The following SSH2 variants were observed in gnomAD, a reference collection of about 807,000 sequenced individuals.
SSH2 encodes the protein slingshot protein phosphatase 2.
SSH2 carries 37 observed loss-of-function variants against 135.2 expected under a neutral mutation model. That is an observed-to-expected ratio of 0.27 (90% CI 0.21 to 0.36). The LOEUF (loss-of-function observed/expected upper bound fraction) is 0.36. SSH2 is among the 10% of genes least tolerant of loss of function. SSH2 has a pLI of 1.00. For synonymous variants in SSH2, 628 were observed against 646.2 expected (o/e 0.97, Z 0.43); for missense variants, 1,408 against 1,765.3 (o/e 0.80, Z 3.63).
At chr17:29,907,691 G>A (rs180987501) in intron 1 of SSH2, among the ~76,000 whole-genome samples, 4 of 152,306 alleles carry the variant, frequency 2.6e-5, no homozygotes, top group African/African-American at 9.6e-5. Context: ...TCAGTCCAGA[G>A]CCAAACTGGC....
intron 1 of SSH2, among the ~76,000 whole-genome samples, chr17:29,926,541 G>A (rs2067069093): frequency 6.7e-6 from 1 of 148,986 alleles, no homozygotes; most frequent in East Asian, 2.0e-4. Flanking sequence ...ATGGCTGAGT[G>A]AGACCTTGTC....
intron 3 of SSH2, among the ~76,000 whole-genome samples, chr17:29,714,798 T>C (rs2039559184): frequency 6.6e-6 from 1 of 152,170 alleles, no homozygotes; most frequent in Non-Finnish European, 1.5e-5. Flanking sequence ...GTAATTCCCA[T>C]GTGCTCACTC....
At chr17:29,882,853 G>A (rs1330566676) in intron 1 of SSH2, among the ~76,000 whole-genome samples, 2 of 152,108 alleles carry the variant, frequency 1.3e-5, no homozygotes, top group East Asian at 1.9e-4. Context: ...CTGTAGAGAC[G>A]GGGTATCACT....
chr17:29,632,999 C>T (rs2035752913), intron 15 of SSH2, 68 bp from the exon 16 acceptor site: 3 of 1,375,600 alleles, frequency 2.2e-6, no homozygotes, highest in Admixed American at 2.1e-5. Context: ...GGATTTTCTG[C>T]TTATTAATCC....
chr17:29,643,614 T>C (rs1226338565), intron 14 of SSH2, among the ~76,000 whole-genome samples: 2 of 152,074 alleles, frequency 1.3e-5, no homozygotes, highest in African/African-American at 4.8e-5. Context: ...TGCCTCAGCC[T>C]CCCGAGTAGC....
chr17:29,669,543 T>C (rs561697766), intron 9 of SSH2, among the ~76,000 whole-genome samples: 1 of 152,278 alleles, frequency 6.6e-6, no homozygotes, highest in African/African-American at 2.4e-5. Flanking sequence ...AAATCTGCTT[T>C]TTCCTCCTCA....
chr17:29,731,417 T>TTTTATTTA (rs142032070), intron 3 of SSH2, among the ~76,000 whole-genome samples: 15 of 119,754 alleles, frequency 1.3e-4, no homozygotes, highest in Admixed American at 4.3e-4. Flanking sequence ...CAGAAGTATT[T>TTTTATTTA]TTTATTTATT....
chr17:29,870,250 T>C (rs1473655705), intron 1 of SSH2, among the ~76,000 whole-genome samples: 3 of 147,578 alleles, frequency 2.0e-5, no homozygotes, highest in Non-Finnish European at 4.5e-5. Flanking sequence ...GATGTACTAA[T>C]ATGGAAATAT....
intron 9 of SSH2, among the ~76,000 whole-genome samples, chr17:29,668,982 C>T (rs1438445741): frequency 2.6e-5 from 4 of 151,630 alleles, no homozygotes; most frequent in Admixed American, 2.6e-4. Flanking sequence ...GGTGTGGTAG[C>T]TCACACCTAT....
chr17:29,844,577 C>T (rs1269690605), intron 2 of SSH2, among the ~76,000 whole-genome samples: 1 of 152,206 alleles, frequency 6.6e-6, no homozygotes, highest in Non-Finnish European at 1.5e-5. Flanking sequence ...GCCTACATTC[C>T]TTCTTATCTG....
intron 3 of SSH2, among the ~76,000 whole-genome samples, chr17:29,728,720 AAC>A (rs1406925776): frequency 6.6e-6 from 1 of 152,200 alleles, no homozygotes; most frequent in Non-Finnish European, 1.5e-5. Flanking sequence ...AATGGGATAT[AAC>A]ACAGAATCCA....
chr17:29,719,712 C>T (rs768000434), intron 3 of SSH2, among the ~76,000 whole-genome samples: 1 of 152,162 alleles, frequency 6.6e-6, no homozygotes, highest in African/African-American at 2.4e-5. Context: ...TTACCAATTA[C>T]ACAACTAGTA....
intron 2 of SSH2, among the ~76,000 whole-genome samples, chr17:29,840,975 T>C (rs1428719011): frequency 6.6e-6 from 1 of 152,158 alleles, no homozygotes; most frequent in African/African-American, 2.4e-5. Flanking sequence ...TGCTGAGCCC[T>C]CTCTCTGATT....
intron 4 of SSH2, among the ~76,000 whole-genome samples, chr17:29,701,311 T>G (rs2038968773): frequency 6.6e-6 from 1 of 152,096 alleles, no homozygotes; most frequent in South Asian, 2.1e-4. Flanking sequence ...TTCGCCATGT[T>G]AGCCAGGCTG....
chr17:29,696,927 G>A (rs1280885589), intron 4 of SSH2, among the ~76,000 whole-genome samples: 1 of 151,630 alleles, frequency 6.6e-6, no homozygotes, highest in Non-Finnish European at 1.5e-5. Flanking sequence ...CTTGTGATCC[G>A]CCTGCCTCGG....
intron 1 of SSH2, among the ~76,000 whole-genome samples, chr17:29,920,947 A>T (rs2151485750): frequency 6.6e-6 from 1 of 152,302 alleles, no homozygotes; most frequent in East Asian, 1.9e-4. Flanking sequence ...TTCTTAGTAT[A>T]TAAAGAATAC....
rs2035675857 is a variant in SSH2 at position 29,631,604 on chromosome 17, C to T, written c.3590G>A (p.Ser1197Asn). 8 of 1,614,102 alleles carry T rather than the reference C, an allele frequency of 5.0e-6. No individual in the cohort carries two copies. The highest frequency in any genetic ancestry group is 1.3e-5 in the African/African-American group (1 of 74,926). Residue 1197 changes from serine (S) to asparagine (N), a missense_variant, in exon 16 of 16, where the codon AGT (serine) becomes AAT (asparagine). Transcript: ENST00000540801. ...GTCCTTATATGGCACCTCACTGCCA[C>T]TGGAGAGAGGGCTCTCCTGACTTTC... ...WEESQESPLS[S>N]GSEVPYKDSQ...
chr17:29,868,218 C>G (rs1408680197), intron 1 of SSH2, among the ~76,000 whole-genome samples: 1 of 152,174 alleles, frequency 6.6e-6, no homozygotes, highest in African/African-American at 2.4e-5. Context: ...AAACCCTTGA[C>G]ATGTACTAAA....
intron 3 of SSH2, among the ~76,000 whole-genome samples, chr17:29,777,099 C>T (rs966989082): frequency 4.6e-5 from 7 of 151,920 alleles, no homozygotes; most frequent in African/African-American, 1.7e-4. Flanking sequence ...GTAATCCCAG[C>T]TACTTGGGAG....
Sources: allele counts gnomAD v4.1 joint callset (sites outside exome capture counted in the v4.1 genomes callset), GRCh38; gene constraint gnomAD v4.1.1; transcripts MANE v1.5; gene names NCBI Gene and HGNC (gene_info 2026-07-23, HGNC 2026-07-21).